The following ARHGAP8 variants were observed in gnomAD, a reference collection of about 807,000 sequenced individuals.
ARHGAP8 encodes the protein rho GTPase-activating protein 8.
ARHGAP8 carries 62 observed loss-of-function variants against 46.1 expected under a neutral mutation model. That is an observed-to-expected ratio of 1.34 (90% confidence interval 1.10 to 1.66). The LOEUF is 1.66. Ranked by LOEUF, ARHGAP8 falls within the 40% of genes most tolerant of loss-of-function variation. The pLI is 0.00. For missense variants in ARHGAP8, 923 were observed against 568.4 expected (o/e 1.62, Z -6.34); for synonymous variants, 375 against 243.1 (o/e 1.54, Z -5.05).
intron 7 of ARHGAP8, among the ~76,000 whole-genome samples, chr22:44,838,181 A>G (rs1250466247): frequency 6.7e-6 from 1 of 148,454 alleles, no homozygotes; most frequent in Non-Finnish European, 1.5e-5. Flanking sequence ...TCTGTTGCCC[A>G]GGCTGGAATG....
rs1555911045 is a variant in ARHGAP8 at position 44,787,047 on chromosome 22, A to AC, written c.79+441_79+442insC. Among the ~76,000 whole-genome samples the AC allele has an allele frequency of 3.4e-5, 5 of 145,482 alleles. 1 individual carries two copies. Among genetic ancestry groups the AC allele is most frequent in the Admixed American group, 7.1e-5 (1 of 14,052 alleles). ...CCTGTCTCAAAAAAACAAAAAAAAA[A>AC]AAAAGAAAGAAGTAAAACTAATTGG... On this transcript the variant is annotated intron_variant, in intron 2 of 11. Transcript: ENST00000356099.
intron 11 of ARHGAP8, among the ~76,000 whole-genome samples, chr22:44,860,515 C>T (rs1442152127): frequency 6.9e-6 from 1 of 145,262 alleles, no homozygotes; most frequent in Non-Finnish European, 1.5e-5. Flanking sequence ...TAGGACCCAC[C>T]CAGATGACGC....
At chr22:44,788,038 G>A (rs8141569) in intron 2 of ARHGAP8, among the ~76,000 whole-genome samples, 61,134 of 145,660 alleles carry the variant, frequency 0.42, 13,195 homozygotes, top group East Asian at 0.55. Context: ...GGTGCCAACA[G>A]AAGGAAGGCA....
At chr22:44,760,085 A>G (rs1925014024) in intron 1 of ARHGAP8, among the ~76,000 whole-genome samples, 1 of 152,216 alleles carries the variant, frequency 6.6e-6, no homozygotes, top group South Asian at 2.1e-4. Context: ...GTCCTGATGC[A>G]GGTCACAGTC....
In ARHGAP8 at chr22:44,844,062, C is replaced by T. The variant is rs556775136; in HGVS notation, c.597-1207C>T. 2.9e-4 allele frequency among the ~76,000 whole-genome samples: 44 copies of T among 152,274 alleles called. No individual in the cohort carries two copies. In the South Asian group the frequency reaches 8.5e-3, roughly 29 times the overall value. On this transcript the variant is annotated intron_variant, in intron 7 of 11. Coordinates refer to ENST00000356099, the MANE Select transcript of ARHGAP8 (RefSeq NM_181335.3). ...TCTTGGCTCCCTGCAACTTCCGCCT[C>T]CTGGGTTCAAGTGATTCTCCTGCCT... is the stretch of plus-strand genomic sequence containing the variant.
At chr22:44,774,079 C>T (rs997990461) in intron 1 of ARHGAP8, among the ~76,000 whole-genome samples, 1 of 152,204 alleles carries the variant, frequency 6.6e-6, no homozygotes, top group Non-Finnish European at 1.5e-5. Context: ...CGGGTTGAGA[C>T]AGGTGCCAAA....
chr22:44,845,620 T>A (rs2069935143), intron 8 of ARHGAP8, among the ~76,000 whole-genome samples: 1 of 152,128 alleles, frequency 6.6e-6, no homozygotes, highest in South Asian at 2.1e-4. Flanking sequence ...CGTACATGAC[T>A]TGTAGGATTG....
chr22:44,770,400 G>C (rs1036605878), intron 1 of ARHGAP8, among the ~76,000 whole-genome samples: 2 of 150,152 alleles, frequency 1.3e-5, no homozygotes, highest in African/African-American at 5.0e-5. Context: ...GCCAACCTTA[G>C]ATTCTTTTTT....
In ARHGAP8 at chr22:44,862,627, C is replaced by CTCCCACACCTGTCTGTG. The variant is rs780169846; in HGVS notation, c.*33_*49dup. On this transcript the variant is annotated 3_prime_UTR_variant, in exon 12 of 12. Transcript: ENST00000356099. ...GAACACTCTGTATATTTCGAGCTAC[C>CTCCCACACCTGTCTGTG]TCCCACACCTGTCTGTGCACTTGTA... 1.8e-5 allele frequency: 28 copies of CTCCCACACCTGTCTGTG among 1,524,040 alleles called. No homozygotes were observed. The highest frequency in any genetic ancestry group is 2.5e-5 in the Non-Finnish European group (28 of 1,132,792). The allele number at this position is 1,524,040 out of a possible 1,614,324, so 94.4% of individuals were successfully genotyped here.
chr22:44,821,320 T>G (rs1222677518), intron 5 of ARHGAP8, among the ~76,000 whole-genome samples: 1 of 151,916 alleles, frequency 6.6e-6, no homozygotes, highest in East Asian at 1.9e-4. Context: ...TCCCAGCTAC[T>G]TGGGAGGCTG....
At chr22:44,858,106 A>G (rs911587962) in intron 10 of ARHGAP8, among the ~76,000 whole-genome samples, 4 of 152,206 alleles carry the variant, frequency 2.6e-5, no homozygotes, top group Admixed American at 2.0e-4. Context: ...CAACAGCTTG[A>G]TTTCATGGAA....
chr22:44,811,556 C>T (rs542606622), intron 4 of ARHGAP8, among the ~76,000 whole-genome samples: 2 of 152,256 alleles, frequency 1.3e-5, no homozygotes, highest in Non-Finnish European at 1.5e-5. Context: ...TCCCACTCCC[C>T]GGGAGGTTGG....
intron 4 of ARHGAP8, among the ~76,000 whole-genome samples, chr22:44,813,950 G>A (rs1160975530): frequency 6.6e-6 from 1 of 152,132 alleles, no homozygotes; most frequent in African/African-American, 2.4e-5. Flanking sequence ...CCTGCAGGCT[G>A]ACCCCACGCA....
At chr22:44,778,358 C>T (rs1390741382) in intron 1 of ARHGAP8, among the ~76,000 whole-genome samples, 2 of 152,150 alleles carry the variant, frequency 1.3e-5, no homozygotes, top group Non-Finnish European at 2.9e-5. Context: ...GCCATTAATT[C>T]ATTCCTTTTT....
intron 1 of ARHGAP8, among the ~76,000 whole-genome samples, chr22:44,774,342 C>G (rs1407191543): frequency 6.6e-6 from 1 of 152,158 alleles, no homozygotes; most frequent in Non-Finnish European, 1.5e-5. Context: ...TGTCCTATCA[C>G]TGCCGATGTC....
At chr22:44,830,809 G>T (rs1381068313) in intron 7 of ARHGAP8, among the ~76,000 whole-genome samples, 1 of 152,138 alleles carries the variant, frequency 6.6e-6, no homozygotes, top group African/African-American at 2.4e-5. Flanking sequence ...AAAGTGCTGG[G>T]ATTACAGGCG....
intron 5 of ARHGAP8, among the ~76,000 whole-genome samples, chr22:44,815,063 C>CAGAT (rs886306127): frequency 1.6e-4 from 24 of 152,292 alleles, no homozygotes; most frequent in African/African-American, 5.8e-4. Context: ...GAGGGACTCA[C>CAGAT]AGATGTCAGG....
intron 5 of ARHGAP8, among the ~76,000 whole-genome samples, chr22:44,816,822 AAAG>A (rs1340196673): frequency 2.0e-5 from 3 of 150,876 alleles, no homozygotes; most frequent in African/African-American, 2.4e-5. Flanking sequence ...AAAAAAAAAA[AAAG>A]AACTGCCCTG....
intron 9 of ARHGAP8, among the ~76,000 whole-genome samples, chr22:44,848,549 C>G (rs1003214194): frequency 2.6e-5 from 4 of 152,250 alleles, no homozygotes; most frequent in Admixed American, 6.5e-5. Context: ...GTGCATTACA[C>G]AATCATGGAG....
Sources: allele counts gnomAD v4.1 joint callset (sites outside exome capture counted in the v4.1 genomes callset), GRCh38; gene constraint gnomAD v4.1.1; transcripts MANE v1.5; gene names NCBI Gene and HGNC (gene_info 2026-07-23, HGNC 2026-07-21).